The following ZNF607 variants were observed in gnomAD, a reference collection of about 807,000 sequenced individuals.
ZNF607 encodes zinc finger protein 607.
A neutral mutation model predicts 12.8 loss-of-function variants in ZNF607; 5 were observed. The ratio of observed to expected loss-of-function variants is 0.39; its 90% CI spans 0.20 to 0.82. ZNF607 has a LOEUF of 0.82. ZNF607 is among the 40% of genes least tolerant of loss of function. The pLI, the probability that ZNF607 is intolerant of heterozygous loss-of-function variation, is 0.39. For missense variants in ZNF607, 851 were observed against 859.2 expected (o/e 0.99, Z 0.12); for synonymous variants, 287 against 276.2 (o/e 1.04, Z -0.39).
In ZNF607 at chr19:37,697,180, T is replaced by G. The variant is rs59096662; in HGVS notation, c.*860A>C. 53 of 737,108 alleles carry G rather than the reference T, an allele frequency of 7.2e-5. No homozygotes were observed. In the African/African-American group the frequency reaches 8.9e-4, roughly 12 times the overall value. 45.7% of individuals were successfully genotyped at this position (737,108 alleles called of 1,614,324 possible). On this transcript the variant is annotated 3_prime_UTR_variant, in exon 5 of 5. Coordinates refer to ENST00000355202, the MANE Select transcript of ZNF607 (RefSeq NM_032689.5). ...TTGCTACCAGTGATGACTGGCGCAC[T>G]ACGTGGTTGAGAACAGCAGTCAAAG...
chr19:37,705,094 T>C (rs1321070160), intron 4 of ZNF607, among the ~76,000 whole-genome samples: 1 of 150,430 alleles, frequency 6.6e-6, no homozygotes, highest in East Asian at 2.0e-4. Context: ...TGAAAATCAA[T>C]AGAGAAAAAA....
Position 37,699,524 on chromosome 19 carries a change from C to T in ZNF607, c.607G>A (p.Gly203Arg). The T allele has an allele frequency of 6.2e-7, 1 of 1,613,974 alleles. No individual in the cohort carries two copies. Among genetic ancestry groups the T allele is most frequent in the Non-Finnish European group, 8.5e-7 (1 of 1,179,946 alleles). ...VEKPYECKEC[G>R]EAFRTSRQLT... ...TGACGGCTAGTCCTAAAAGCTTCCC[C>T]ACACTCTTTACATTCATAGGGTTTC... Residue 203 changes from glycine (G) to arginine (R), a missense_variant, in exon 5 of 5, where the codon GGG (glycine) becomes AGG (arginine). By Grantham distance (125) the Gly-to-Arg change is moderately radical. Transcript: ENST00000355202.
chr19:37,711,585 C>T (rs958998605), intron 2 of ZNF607, 25 bp downstream of exon 2: 4 of 1,613,250 alleles, frequency 2.5e-6, no homozygotes, highest in Admixed American at 3.3e-5. Flanking sequence ...CACAAACCTC[C>T]ACATGGCGAG....
At position 37,697,504 on chromosome 19, in the gene ZNF607, T is replaced by C. The variant is rs1387971458; in HGVS notation, c.*536A>G. On this transcript the variant is annotated 3_prime_UTR_variant, in exon 5 of 5. Coordinates refer to ENST00000355202, the MANE Select transcript of ZNF607 (RefSeq NM_032689.5). ...TATACTGTAGGTACTACTATCATCA[T>C]TTATATATGATCCCCAGAAGGGATA... 6.7e-6 allele frequency: 4 copies of C among 599,118 alleles called. No homozygotes were observed. Among genetic ancestry groups the C allele is most frequent in the Non-Finnish European group, 1.2e-5 (4 of 326,094 alleles). 37.1% of individuals were successfully genotyped at this position (599,118 alleles called of 1,614,324 possible). A position where few individuals can be genotyped will look rare whatever the true frequency, so the allele number is the denominator to read the frequency against.
chr19:37,704,748 G>A (rs1353493259), intron 4 of ZNF607, among the ~76,000 whole-genome samples: 1 of 152,172 alleles, frequency 6.6e-6, no homozygotes, highest in Non-Finnish European at 1.5e-5. Flanking sequence ...ACAAGGTCAG[G>A]AGATAGAGAC....
At chr19:37,718,388 C>T (rs2045195808) in intron 1 of ZNF607, among the ~76,000 whole-genome samples, 1 of 152,084 alleles carries the variant, frequency 6.6e-6, no homozygotes, top group Admixed American at 6.5e-5. Flanking sequence ...GCTGCAGGCG[C>T]GTAATTTCAT....
intron 4 of ZNF607, among the ~76,000 whole-genome samples, chr19:37,704,835 T>TAGTCCC (rs199653095): frequency 0.74 from 111,055 of 150,990 alleles, 41,660 homozygotes; most frequent in Middle Eastern, 0.83. Context: ...CGGGCGCCTG[T>TAGTCCC]AGCTATTCAA....
At position 37,698,149 on chromosome 19, in the gene ZNF607, C is replaced by T. The variant is rs139379295; in HGVS notation, c.1982G>A (p.Ser661Asn). The T allele has an allele frequency of 5.4e-4, 868 of 1,613,744 alleles. No homozygotes were observed. Among genetic ancestry groups the T allele is most frequent in the Non-Finnish European group, 6.4e-4 (756 of 1,179,940 alleles). Reference protein sequence around the residue: ...GKAFNSSHELSIHHRVHTGEK... With the variant: ...GKAFNSSHELNIHHRVHTGEK... ...ACCAGTATGAACTCTATGATGTATA[C>T]TAAGTTCATGGCTACTATTAAAAGC... The change falls in exon 5 of 5, where the codon AGT (serine) becomes AAT (asparagine). Residue 661 changes from serine to asparagine, a missense_variant. Coordinates refer to ENST00000355202, the MANE Select transcript of ZNF607 (RefSeq NM_032689.5).
rs142464744 is a variant in ZNF607, at chr19:37,719,384, C to T, written c.-190G>A. ...AGAGACGGGCCCCTCCTCCGCAGCT[C>T]CAGCACCCTAGGGCCTGAGGAGGCG... is the stretch of plus-strand genomic sequence containing the variant. On this transcript the variant is annotated 5_prime_UTR_variant, in exon 1 of 5. Transcript: ENST00000355202. 3 of 152,872 alleles carry T rather than the reference C, an allele frequency of 2.0e-5. No homozygotes were observed. The highest frequency in any genetic ancestry group is 4.4e-5 in the Non-Finnish European group (3 of 68,210). 9.5% of individuals were successfully genotyped at this position (152,872 alleles called of 1,614,324 possible).
In ZNF607 at chr19:37,698,099, A is replaced by C. The variant is rs768120180; in HGVS notation, c.2032T>G (p.Cys678Gly). 1 of 1,613,306 alleles carries C rather than the reference A, an allele frequency of 6.2e-7. No individual in the cohort carries two copies. Among genetic ancestry groups the C allele is most frequent in the Non-Finnish European group, 8.5e-7 (1 of 1,179,886 alleles). The change falls in exon 5 of 5, where the codon TGC (cysteine) becomes GGC (glycine). Residue 678 changes from cysteine (C) to glycine (G), a missense_variant. Transcript: ENST00000355202. ...GATCTAAGCCTAAAGGACCTTCTGC[A>C]TTTGTTACATTTAAAGGGTTTCTCA... ...TGEKPFKCNKCRRSFRLRSIL... is the reference protein window; with the variant it reads ...TGEKPFKCNKGRRSFRLRSIL...
chr19:37,702,786 C>G (rs969465766), intron 4 of ZNF607, among the ~76,000 whole-genome samples: 7 of 151,824 alleles, frequency 4.6e-5, no homozygotes. Flanking sequence ...GGATATAAAC[C>G]TATAAAAATA....
chr19:37,698,814 A>G lies in ZNF607; in HGVS notation c.1317T>C (p.His439=). The part of the protein sequence containing the change: ...AFSQRAHLAH[H]NRIHTGYKPF... ...GTTTGTAACCAGTATGAATTCTGTT[A>G]TGATGGGCAAGGTGTGCACGCTGAC... The change falls in exon 5 of 5, where the codon CAT becomes CAC. Residue 439 remains histidine (H), a synonymous_variant. Transcript: ENST00000355202. The G allele has an allele frequency of 6.2e-7, 1 of 1,613,778 alleles. No individual in the cohort carries two copies. Among genetic ancestry groups the G allele is most frequent in the Non-Finnish European group, 8.5e-7 (1 of 1,179,786 alleles).
rs977519497 is a variant in ZNF607, at chr19:37,699,423, C to T, written c.708G>A (p.Val236=). 2.5e-6 allele frequency: 4 copies of T among 1,614,018 alleles called. No homozygotes were observed. The highest frequency in any genetic ancestry group is 1.7e-5 in the Admixed American group (1 of 60,004). The change falls in exon 5 of 5, where the codon GTG becomes GTA. Residue 236 remains valine (V), a synonymous_variant. Coordinates refer to ENST00000355202, the MANE Select transcript of ZNF607 (RefSeq NM_032689.5). ...TCTGATGTCGACTAAGTCGTCCATA[C>T]ACACTAAAGGCCTTGCCACATTCCT... is the stretch of plus-strand genomic sequence containing the variant. ...ECKECGKAFS[V]YGRLSRHQSI...
At chr19:37,700,349 T>C (rs551622418) in intron 4 of ZNF607, among the ~76,000 whole-genome samples, 5 of 152,272 alleles carry the variant, frequency 3.3e-5, no homozygotes, top group Middle Eastern at 3.4e-3. Flanking sequence ...AGATTGAACA[T>C]CTGTAGGACC....
chr19:37,702,852 T>C (rs1046938737), intron 4 of ZNF607, among the ~76,000 whole-genome samples: 1 of 152,204 alleles, frequency 6.6e-6, no homozygotes, highest in Admixed American at 6.5e-5. Flanking sequence ...CGAAACGTCA[T>C]GTATATTGTA....
intron 3 of ZNF607, among the ~76,000 whole-genome samples, chr19:37,708,758 G>GA (rs1165182066): frequency 2.0e-5 from 3 of 149,644 alleles, no homozygotes; most frequent in Admixed American, 1.3e-4. Context: ...TGAGGCAGGA[G>GA]AATCACTTTA....
In ZNF607 at chr19:37,699,157, G is replaced by A; in HGVS notation, c.974C>T (p.Thr325Ile). ...CCCTGAATAAATTCTCTGATGCATG[G>A]TAAGTTGATACCTACATGTAAAGCC... is the stretch of plus-strand genomic sequence containing the variant. ...GKGFTCRYQL[T>I]MHQRIYSGEK... The change falls in exon 5 of 5, where the codon ACC (threonine) becomes ATC (isoleucine). Residue 325 changes from threonine (T) to isoleucine (I), a missense_variant. Physicochemically the swap from Thr to Ile is moderately conservative, Grantham distance 89 (BLOSUM62 -1). Transcript: ENST00000355202. 1 of 1,614,122 alleles carries A rather than the reference G, an allele frequency of 6.2e-7. No individual in the cohort carries two copies. The highest frequency in any genetic ancestry group is 1.3e-5 in the African/African-American group (1 of 75,036).
chr19:37,714,352 G>A (rs975393821), intron 1 of ZNF607, among the ~76,000 whole-genome samples: 7 of 116,930 alleles, frequency 6.0e-5, no homozygotes, highest in African/African-American at 1.3e-4. Flanking sequence ...AGCAGCAGCA[G>A]CAGCAGCAGC....
intron 3 of ZNF607, among the ~76,000 whole-genome samples, chr19:37,708,291 G>A (rs1283324912): frequency 6.6e-6 from 1 of 151,770 alleles, no homozygotes; most frequent in Middle Eastern, 3.2e-3. Flanking sequence ...CGCCTCCCAG[G>A]TTAAAGTGAT....
Sources: gnomAD v4.1 joint callset for allele counts (sites outside exome capture counted in the v4.1 genomes callset) on GRCh38, gnomAD v4.1.1 for gene constraint, MANE v1.5 for transcripts, NCBI Gene and HGNC (gene_info 2026-07-23, HGNC 2026-07-21) for gene names.